The following GSTCD variants were observed in gnomAD, a reference collection of about 807,000 sequenced individuals.
GSTCD encodes the protein glutathione S-transferase C-terminal domain-containing protein.
Under a neutral mutation model 68.3 loss-of-function variants are expected in GSTCD, and 44 were observed. The ratio of observed to expected loss-of-function variants is 0.64; its 90% CI spans 0.51 to 0.83. The LOEUF is 0.83. GSTCD is among the 40% of genes least tolerant of loss of function. The probability of loss-of-function intolerance (pLI) is 0.00; values close to 1 mark genes in which losing one functional copy is unlikely to be tolerated. For missense variants in GSTCD, 739 were observed against 735.9 expected, an observed-to-expected ratio of 1.00 and a Z score of -0.05; for synonymous variants, 273 against 255.2, an observed-to-expected ratio of 1.07 and a Z score of -0.67.
intron 5 of GSTCD, among the ~76,000 whole-genome samples, chr4:105,756,576 GTGTGTATATA>G (rs1481030543): frequency 4.4e-4 from 39 of 89,452 alleles, no homozygotes; most frequent in African/African-American, 1.1e-3. Flanking sequence ...GTGTGTGTGT[GTGTGTATATA>G]TATATATATA....
chr4:105,831,717 T>G (rs1246213079), intron 8 of GSTCD, among the ~76,000 whole-genome samples: 1 of 152,152 alleles, frequency 6.6e-6, no homozygotes, highest in Non-Finnish European at 1.5e-5. Context: ...GTCAATCCTT[T>G]CCCTACTTTG....
intron 5 of GSTCD, among the ~76,000 whole-genome samples, chr4:105,750,671 A>G (rs536732833): frequency 2.3e-4 from 35 of 152,258 alleles, no homozygotes; most frequent in African/African-American, 7.9e-4. Context: ...ATAACAACTT[A>G]TATTAACATG....
At chr4:105,843,401 C>T (rs1724432420) in intron 11 of GSTCD, 2 of 152,216 alleles carry the variant, frequency 1.3e-5, no homozygotes, top group Non-Finnish European at 2.9e-5. Context: ...ACTCCACTCA[C>T]TAGACCCATG....
chr4:105,768,079 A>G, intron 5 of GSTCD, among the ~76,000 whole-genome samples: 1 of 150,872 alleles, frequency 6.6e-6, no homozygotes, highest in Non-Finnish European at 1.5e-5. Context: ...CCTGTCTCCC[A>G]GGGTGGAGTG....
At chr4:105,825,285 A>G (rs188926460) in intron 7 of GSTCD, among the ~76,000 whole-genome samples, 3 of 152,182 alleles carry the variant, frequency 2.0e-5, no homozygotes, top group East Asian at 3.9e-4. Flanking sequence ...GCACACTACT[A>G]TGCCCGGCTA....
intron 5 of GSTCD, among the ~76,000 whole-genome samples, chr4:105,822,487 T>G (rs1175466082): frequency 2.0e-5 from 3 of 152,138 alleles, no homozygotes; most frequent in Admixed American, 1.3e-4. Flanking sequence ...TTACTTATTA[T>G]GGATCTCTCT....
chr4:105,752,218 CTG>C (rs2149228137), intron 5 of GSTCD, among the ~76,000 whole-genome samples: 1 of 152,188 alleles, frequency 6.6e-6, no homozygotes, highest in African/African-American at 2.4e-5. Flanking sequence ...TTTTTTAAAA[CTG>C]TACTAACTGT....
At chr4:105,740,130 A>T (rs1733585881) in intron 5 of GSTCD, among the ~76,000 whole-genome samples, 1 of 152,014 alleles carries the variant, frequency 6.6e-6, no homozygotes, top group Non-Finnish European at 1.5e-5. Context: ...CAGTTTGCAG[A>T]TGGCATTGTG....
At chr4:105,736,822 G>T (rs1733478853) in intron 5 of GSTCD, among the ~76,000 whole-genome samples, 1 of 152,070 alleles carries the variant, frequency 6.6e-6, no homozygotes, top group South Asian at 2.1e-4. Flanking sequence ...TTGGAAGTGA[G>T]AACATGTGAT....
chr4:105,764,162 GTATT>G (rs1365478202), intron 5 of GSTCD, among the ~76,000 whole-genome samples: 5 of 152,088 alleles, frequency 3.3e-5, no homozygotes, highest in Admixed American at 2.6e-4. Context: ...ACCTAATAAT[GTATT>G]TAGTTATATA....
chr4:105,729,540 A>G, intron 5 of GSTCD, 41 bp downstream of exon 5: 2 of 1,331,346 alleles, frequency 1.5e-6, no homozygotes, highest in Non-Finnish European at 2.2e-6. Flanking sequence ...CATACTTTGG[A>G]TACTGTCTTC....
At chr4:105,824,634 G>A (rs1043378116) in intron 7 of GSTCD, among the ~76,000 whole-genome samples, 1 of 152,090 alleles carries the variant, frequency 6.6e-6, no homozygotes, top group African/African-American at 2.4e-5. Flanking sequence ...TATCACTGGA[G>A]TCTCCTAACT....
intron 11 of GSTCD, among the ~76,000 whole-genome samples, chr4:105,844,771 G>A (rs1724486032): frequency 6.6e-6 from 1 of 152,098 alleles, no homozygotes; most frequent in African/African-American, 2.4e-5. Context: ...GTTTGTGTTT[G>A]CCAAAGGAAA....
At chr4:105,719,942 TAAA>T (rs576561430) in intron 3 of GSTCD, among the ~76,000 whole-genome samples, 12 of 144,042 alleles carry the variant, frequency 8.3e-5, no homozygotes, top group African/African-American at 2.8e-4. Context: ...AGGGTGCAGT[TAAA>T]AAAAAAAAAA....
chr4:105,777,945 TGTTTAATACATATATTTA>T (rs1735135717), intron 5 of GSTCD, among the ~76,000 whole-genome samples: 1 of 152,174 alleles, frequency 6.6e-6, no homozygotes, highest in African/African-American at 2.4e-5. Context: ...ATGTAGCAAG[TGTTTAATACATATATTTA>T]GGAGAACTTT....
At position 105,708,946 on chromosome 4, in the gene GSTCD, G is replaced by A. The variant is rs890272424; in HGVS notation, c.-92G>A. ...TGGAATTCCAGCTCGGACTGGGCGG[G>A]AAGGCGCAGGCGGCCCAGGTCGCCG... On this transcript the variant is annotated 5_prime_UTR_variant, in exon 1 of 12. Transcript: ENST00000515279. 6.5e-6 allele frequency: 1 copy of A among 152,722 alleles called. No individual in the cohort carries two copies. Among genetic ancestry groups the A allele is most frequent in the African/African-American group, 2.4e-5 (1 of 41,432 alleles). 9.5% of individuals were successfully genotyped at this position (152,722 alleles called of 1,614,324 possible). A position where few individuals can be genotyped will look rare whatever the true frequency, so the allele number is the denominator to read the frequency against.
intron 5 of GSTCD, among the ~76,000 whole-genome samples, chr4:105,737,264 TA>T (rs1337961124): frequency 6.6e-6 from 1 of 152,218 alleles, no homozygotes; most frequent in Non-Finnish European, 1.5e-5. Flanking sequence ...GACTTTTTAA[TA>T]ATAGACGTTC....
intron 8 of GSTCD, among the ~76,000 whole-genome samples, chr4:105,833,740 T>TTATAGTAATTATAGA (rs1553966903): frequency 1.3e-5 from 2 of 151,946 alleles, no homozygotes; most frequent in African/African-American, 4.8e-5. Flanking sequence ...TGTAGTAAGA[T>TTATAGTAATTATAGA]TATAGTAAGT....
At chr4:105,800,706 A>T (rs1736072634) in intron 5 of GSTCD, among the ~76,000 whole-genome samples, 1 of 152,228 alleles carries the variant, frequency 6.6e-6, no homozygotes, top group South Asian at 2.1e-4. Context: ...TTGCCCAATA[A>T]TATGGTCAAT....
Sources: allele counts gnomAD v4.1 joint callset (sites outside exome capture counted in the v4.1 genomes callset), GRCh38; gene constraint gnomAD v4.1.1; transcripts MANE v1.5; gene names NCBI Gene and HGNC (gene_info 2026-07-23, HGNC 2026-07-21).